Variants in GNG3 observed in about 807,000 individuals in gnomAD.
The protein encoded by GNG3 is guanine nucleotide-binding protein G(I)/G(S)/G(O) subunit gamma-3.
A neutral mutation model predicts 5.6 loss-of-function variants in GNG3; 4 were observed. The observed-to-expected ratio is 0.71, with a 90% CI of 0.35 to 1.63. The LOEUF (loss-of-function observed/expected upper bound fraction) is 1.63. Ranked by LOEUF, GNG3 falls within the 40% of genes most tolerant of loss-of-function variation. GNG3 has a pLI of 0.05. For missense variants in GNG3, 62 were observed against 96.6 expected, an observed-to-expected ratio of 0.64 and a Z score of 1.50; for synonymous variants, 30 against 33.5, an observed-to-expected ratio of 0.89 and a Z score of 0.36.
upstream of GNG3, chr11:62,707,073 T>C (rs570637750): frequency 2.0e-6 from 3 of 1,526,138 alleles, no homozygotes; most frequent in East Asian, 4.9e-5. Context: ...CTATTTCCAG[T>C]ATATTTCTGC....
chr11:62,708,538 C>A, intron 2 of GNG3, 140 bp from the exon 3 acceptor site: 1 of 1,321,594 alleles, frequency 7.6e-7, no homozygotes, highest in Non-Finnish European at 1.1e-6. Flanking sequence ...GAGAGCTGTC[C>A]CCAGGCCTCT....
At chr11:62,707,161 GCTTCCTC>G, upstream of GNG3, 2 of 1,554,304 alleles carry the variant, frequency 1.3e-6, no homozygotes, top group Non-Finnish European at 1.7e-6. Context: ...TTTTTCCCCA[GCTTCCTC>G]CTTTTGGTCT....
upstream of GNG3, chr11:62,707,622 G>C (rs2083564646): frequency 4.0e-6 from 2 of 504,120 alleles, no homozygotes; most frequent in Admixed American, 6.5e-5. Context: ...GATGCAGGCA[G>C]CTAGGCTCCC....
Position 62,708,864 on chromosome 11 carries a change from G to A in GNG3, c.*58G>A. Reference sequence around the variant, plus strand: ...TTCCCTCTCCTGGGCCCTTCCTTAGGTCAGTAATTGTTGTGAGCCCCTTAG... The same window carrying A: ...TTCCCTCTCCTGGGCCCTTCCTTAGATCAGTAATTGTTGTGAGCCCCTTAG... On this transcript the variant is annotated 3_prime_UTR_variant, in exon 3 of 3. Transcript: ENST00000294117. The A allele has an allele frequency of 7.5e-7, 1 of 1,341,338 alleles. No homozygotes were observed. The highest frequency in any genetic ancestry group is 1.1e-6 in the Non-Finnish European group (1 of 940,382). The allele number at this position is 1,341,338 out of a possible 1,614,324, so 83.1% of individuals were successfully genotyped here. A position where few individuals can be genotyped will look rare whatever the true frequency, so the allele number is the denominator to read the frequency against.
chr11:62,707,035 TC>T, upstream of GNG3: 3 of 1,295,544 alleles, frequency 2.3e-6, no homozygotes, highest in Admixed American at 2.1e-5. Flanking sequence ...AACCAATCCA[TC>T]CCCCCGCCCC....
At chr11:62,707,578 G>GC (rs1415891586), upstream of GNG3, 3 of 578,874 alleles carry the variant, frequency 5.2e-6, no homozygotes, top group Non-Finnish European at 9.3e-6. Context: ...GGAGGGGCAG[G>GC]CAGTGAACTA....
At chr11:62,707,213 G>A, upstream of GNG3, 1 of 1,550,924 alleles carries the variant, frequency 6.4e-7, no homozygotes, top group Non-Finnish European at 8.7e-7. Flanking sequence ...ACGAGCCTCT[G>A]TTGACTCTGG....
intron 2 of GNG3, 119 bp downstream of exon 2, chr11:62,708,513 C>A: frequency 8.1e-7 from 1 of 1,227,794 alleles, no homozygotes; most frequent in Non-Finnish European, 1.2e-6. Context: ...GGGGAGGAGT[C>A]TGGGGCTCTG....
At chr11:62,708,476 C>T (rs1029762661) in intron 2 of GNG3, 82 bp downstream of exon 2, 15 of 1,243,578 alleles carry the variant, frequency 1.2e-5, no homozygotes, top group Admixed American at 8.5e-5. Context: ...ATAAGAGATG[C>T]GTTCTTTCCT....
Position 62,708,898 on chromosome 11 carries a change from C to T in GNG3, c.*92C>T. The T allele has an allele frequency of 1.1e-6, 1 of 940,616 alleles. No individual in the cohort carries two copies. Among genetic ancestry groups the T allele is most frequent in the South Asian group, 1.4e-5 (1 of 69,174 alleles). 58.3% of individuals were successfully genotyped at this position (940,616 alleles called of 1,614,324 possible). A position where few individuals can be genotyped will look rare whatever the true frequency, so the allele number is the denominator to read the frequency against. ...TGTTGTGAGCCCCTTAGGCTCCTTG[C>T]ATCCCATCCCTAACCCTTGCCTGAC... On this transcript the variant is annotated 3_prime_UTR_variant, in exon 3 of 3. Transcript: ENST00000294117.
upstream of GNG3, chr11:62,707,557 C>A (rs546428231): frequency 5.1e-6 from 3 of 592,580 alleles, no homozygotes; most frequent in South Asian, 5.9e-5. Flanking sequence ...AGTCAGGATG[C>A]CTGCAATGGG....
chr11:62,708,244 A>AG, intron 1 of GNG3, 51 bp from the exon 2 acceptor site: 5 of 1,174,102 alleles, frequency 4.3e-6, no homozygotes, highest in South Asian at 2.4e-5. Context: ...GTGAGCATGG[A>AG]GGGGGGCCTC....
At chr11:62,708,123 T>A in intron 1 of GNG3, 172 bp from the exon 2 acceptor site, 3 of 625,378 alleles carry the variant, frequency 4.8e-6, no homozygotes, top group Non-Finnish European at 8.8e-6. Flanking sequence ...CCACCCTATT[T>A]TTTTCCATGA....
chr11:62,708,834 C>T lies in GNG3; in HGVS notation c.*28C>T. 1 of 1,563,452 alleles carries T rather than the reference C, an allele frequency of 6.4e-7. No homozygotes were observed. The highest frequency in any genetic ancestry group is 8.8e-7 in the Non-Finnish European group (1 of 1,135,204). The stretch of plus-strand genomic sequence containing the variant: ...TCCCCTGTCCCTTCTCACAACTCCT[C>T]CCTTTTCCCTCTCCTGGGCCCTTCC... On this transcript the variant is annotated 3_prime_UTR_variant, in exon 3 of 3. Coordinates refer to ENST00000294117, the MANE Select transcript of GNG3 (RefSeq NM_012202.5).
intron 1 of GNG3, 117 bp downstream of exon 1, chr11:62,708,032 G>T: frequency 2.0e-6 from 1 of 501,406 alleles, no homozygotes; most frequent in Non-Finnish European, 3.6e-6. Context: ...TGGTTTGAAG[G>T]GCTGAAAAGC....
At position 62,708,987 on chromosome 11, in the gene GNG3, C is replaced by A. The variant is rs1038951705; in HGVS notation, c.*181C>A. On this transcript the variant is annotated 3_prime_UTR_variant, in exon 3 of 3. Transcript: ENST00000294117. ...TATCTGTCGACCCCATTTCCTACCA[C>A]CTTTGTGGCCGACCCCAAGCACCCC... 2 of 610,520 alleles carry A rather than the reference C, an allele frequency of 3.3e-6. No individual in the cohort carries two copies. Among genetic ancestry groups the A allele is most frequent in the Non-Finnish European group, 5.9e-6 (2 of 341,094 alleles). The allele number at this position is 610,520 out of a possible 1,614,324, so 37.8% of individuals were successfully genotyped here.
At chr11:62,708,008 G>A (rs1453362606) in intron 1 of GNG3, 93 bp downstream of exon 1, 7 of 448,792 alleles carry the variant, frequency 1.6e-5, no homozygotes, top group Non-Finnish European at 2.1e-5. Flanking sequence ...GGTCTTCAGA[G>A]CTGGGAACAC....
upstream of GNG3, chr11:62,707,296 T>C: frequency 1.9e-6 from 2 of 1,028,832 alleles, no homozygotes; most frequent in Non-Finnish European, 3.0e-6. Context: ...GCGCATCACA[T>C]TTTCCTGGAT....
rs879374630 is a variant in GNG3 at position 62,708,952 on chromosome 11, C to T, written c.*146C>T. On this transcript the variant is annotated 3_prime_UTR_variant, in exon 3 of 3. Coordinates refer to ENST00000294117, the MANE Select transcript of GNG3 (RefSeq NM_012202.5). The stretch of plus-strand genomic sequence containing the variant: ...GTGAGGTTATCTGAAGCACAAGGCC[C>T]ACCCTCACCTATCTGTCGACCCCAT... 4.3e-6 allele frequency: 3 copies of T among 695,544 alleles called. No homozygotes were observed. The highest frequency in any genetic ancestry group is 7.7e-6 in the Non-Finnish European group (3 of 392,094). The allele number at this position is 695,544 out of a possible 1,614,324, so 43.1% of individuals were successfully genotyped here. A position where few individuals can be genotyped will look rare whatever the true frequency, so the allele number is the denominator to read the frequency against.
Sources: gnomAD v4.1 joint callset for allele counts on GRCh38, gnomAD v4.1.1 for gene constraint, MANE v1.5 for transcripts, NCBI Gene and HGNC (gene_info 2026-07-23, HGNC 2026-07-21) for gene names.